PLEKHG7: variants seen among roughly 807,000 people sequenced by gnomAD.
The protein encoded by PLEKHG7 is pleckstrin homology domain-containing family G member 7.
In PLEKHG7, 77 loss-of-function variants were observed where a neutral mutation model predicts 85.2. That is an observed-to-expected ratio of 0.90 (90% CI 0.75 to 1.09). The LOEUF is 1.09. Ranked by LOEUF, PLEKHG7 falls within the 50% of genes least tolerant of loss-of-function variation. PLEKHG7 has a pLI of 0.00. For synonymous variants in PLEKHG7, 301 were observed against 302.4 expected, an observed-to-expected ratio of 1.00 and a Z score of 0.05; for missense variants, 777 against 804.3, an observed-to-expected ratio of 0.97 and a Z score of 0.41.
In PLEKHG7 at chr12:92,770,208, A is replaced by C. The variant is rs1292345748; in HGVS notation, c.*13A>C. On this transcript the variant is annotated 3_prime_UTR_variant, in exon 17 of 17. Transcript: ENST00000344636. The stretch of plus-strand genomic sequence containing the variant: ...CTCTGAAATTTAGGGACCTAAAACA[A>C]GTGGCATGTCTTTTTAGAAGATTAT... The C allele has an allele frequency of 6.6e-7, 1 of 1,520,166 alleles. No individual in the cohort carries two copies. The highest frequency in any genetic ancestry group is 1.8e-5 in the Admixed American group (1 of 56,172). 94.2% of individuals were successfully genotyped at this position (1,520,166 alleles called of 1,614,324 possible). A position where few individuals can be genotyped will look rare whatever the true frequency, so the allele number is the denominator to read the frequency against.
chr12:92,735,533 A>G (rs1872119226), intron 5 of PLEKHG7, among the ~76,000 whole-genome samples: 1 of 152,250 alleles, frequency 6.6e-6, no homozygotes, highest in Non-Finnish European at 1.5e-5. Flanking sequence ...AGGCAATAGA[A>G]CAAGTTGAAA....
chr12:92,763,938 TA>T (rs1229318709), intron 14 of PLEKHG7, 102 bp from the exon 15 acceptor site: 7 of 959,890 alleles, frequency 7.3e-6, no homozygotes, highest in Non-Finnish European at 1.0e-5. Flanking sequence ...TAATAGTTTT[TA>T]GGCAATTGTT....
At chr12:92,709,325 T>C (rs1012172123) in intron 3 of PLEKHG7, among the ~76,000 whole-genome samples, 113 of 152,360 alleles carry the variant, frequency 7.4e-4, no homozygotes, top group African/African-American at 2.4e-3. Context: ...TCTTCAAGAA[T>C]GACCTCCAAG....
chr12:92,707,002 C>T lies in PLEKHG7; in HGVS notation c.371C>T (p.Pro124Leu), dbSNP rs750501038. The change falls in exon 2 of 17, where the codon CCC becomes CTC. Residue 124 changes from proline to leucine, a missense_variant. Coordinates refer to ENST00000344636, the MANE Select transcript of PLEKHG7 (RefSeq NM_001377329.1). ...RALNAADSLEPQTRPTDKYLP... is the reference protein window; with the variant it reads ...RALNAADSLELQTRPTDKYLP... Reference sequence around the variant, plus strand: ...CTGAATGCAGCTGACTCACTGGAGCCCCAAACCCGGCCCACTGACAAGTAT... The same window carrying T: ...CTGAATGCAGCTGACTCACTGGAGCTCCAAACCCGGCCCACTGACAAGTAT... 2.5e-6 allele frequency: 4 copies of T among 1,614,122 alleles called. No homozygotes were observed. The Admixed American group carries it at 5.0e-5, about 20-fold the overall frequency.
At chr12:92,714,101 C>T (rs1409071169) in intron 3 of PLEKHG7, among the ~76,000 whole-genome samples, 2 of 152,170 alleles carry the variant, frequency 1.3e-5, no homozygotes, top group South Asian at 2.1e-4. Context: ...AGGTGCCTGC[C>T]GGGACTTTAG....
At chr12:92,730,813 A>G (rs914572490) in intron 4 of PLEKHG7, among the ~76,000 whole-genome samples, 2 of 152,164 alleles carry the variant, frequency 1.3e-5, no homozygotes, top group African/African-American at 4.8e-5. Context: ...CTGCTTCTAC[A>G]TCTCACTAGC....
chr12:92,769,547 T>C (rs1873338452), intron 16 of PLEKHG7, among the ~76,000 whole-genome samples: 1 of 152,224 alleles, frequency 6.6e-6, no homozygotes. Flanking sequence ...AAAACTGCCA[T>C]TGTTTTTACA....
rs1415929520 is a variant in PLEKHG7, at chr12:92,770,162, AT to A, written c.2045del (p.Phe682SerfsTer28). The A allele has an allele frequency of 3.7e-6, 6 of 1,607,404 alleles. No homozygotes were observed. The highest frequency in any genetic ancestry group is 5.1e-6 in the Non-Finnish European group (6 of 1,176,722). The stretch of plus-strand genomic sequence containing the variant: ...GTCAGGAAACCAAGAAAATATCTTT[AT>A]TCACATTGCCCGCAGAATCCTCTGA... ...KSQETKKISL[F>X]TLPAESSEI On this transcript the variant is annotated frameshift_variant, in exon 17 of 17. Coordinates refer to ENST00000344636, the MANE Select transcript of PLEKHG7 (RefSeq NM_001377329.1). LOFTEE classifies it high-confidence loss of function.
At chr12:92,721,751 T>G (rs1871653827) in intron 3 of PLEKHG7, among the ~76,000 whole-genome samples, 1 of 150,880 alleles carries the variant, frequency 6.6e-6, no homozygotes, top group Admixed American at 6.6e-5. Context: ...GATATTTGTT[T>G]AGTTGTATTT....
intron 10 of PLEKHG7, among the ~76,000 whole-genome samples, chr12:92,748,458 G>A (rs1240057361): frequency 4.6e-5 from 7 of 151,416 alleles, no homozygotes; most frequent in Non-Finnish European, 7.4e-5. Context: ...ATGTTGGCCA[G>A]GCTGGTCTTG....
chr12:92,728,706 CAT>C (rs1871896154), intron 3 of PLEKHG7, among the ~76,000 whole-genome samples: 1 of 152,026 alleles, frequency 6.6e-6, no homozygotes, highest in African/African-American at 2.4e-5. Flanking sequence ...CTGCAATAAA[CAT>C]GTGTACAGGT....
At chr12:92,705,056 T>A (rs2136565042) in intron 1 of PLEKHG7, among the ~76,000 whole-genome samples, 1 of 152,366 alleles carries the variant, frequency 6.6e-6, no homozygotes, top group Admixed American at 6.5e-5. Flanking sequence ...GTTGGACTTC[T>A]ATGACTGACA....
Position 92,771,763 on chromosome 12 carries a change from A to G in PLEKHG7, c.*1568A>G, listed in dbSNP as rs973356585. The stretch of plus-strand genomic sequence containing the variant: ...TAACCTCGGAGGTGAGCAGTGGACT[A>G]GGATGAGGTGGCCTCTCAAATTCCT... On this transcript the variant is annotated 3_prime_UTR_variant, in exon 17 of 17. Coordinates refer to ENST00000344636, the MANE Select transcript of PLEKHG7 (RefSeq NM_001377329.1). 8 of 152,190 alleles carry G rather than the reference A, an allele frequency of 5.3e-5. No individual in the cohort carries two copies. Among genetic ancestry groups the G allele is most frequent in the Middle Eastern group, 3.4e-3 (1 of 294 alleles). 9.4% of individuals were successfully genotyped at this position (152,190 alleles called of 1,614,324 possible). A position where few individuals can be genotyped will look rare whatever the true frequency, so the allele number is the denominator to read the frequency against.
intron 15 of PLEKHG7, among the ~76,000 whole-genome samples, chr12:92,765,685 T>G (rs1243769453): frequency 6.6e-6 from 1 of 151,276 alleles, no homozygotes; most frequent in Non-Finnish European, 1.5e-5. Context: ...TCCCAGCTAC[T>G]CAGGAGGCTA....
intron 10 of PLEKHG7, among the ~76,000 whole-genome samples, chr12:92,750,626 G>C (rs570539261): frequency 1.3e-5 from 2 of 152,268 alleles, no homozygotes; most frequent in South Asian, 2.1e-4. Flanking sequence ...TGAGAAATCA[G>C]TTACAAGAAC....
At position 92,723,465 on chromosome 12, in the gene PLEKHG7, G is replaced by A. The variant is rs533839417; in HGVS notation, c.531-5528G>A. Among the ~76,000 whole-genome samples, 6 of 152,160 alleles carry A rather than the reference G, an allele frequency of 3.9e-5. No individual in the cohort carries two copies. The East Asian group carries it at 9.6e-4, about 24-fold the overall frequency. On this transcript the variant is annotated intron_variant, in intron 3 of 16. Coordinates refer to ENST00000344636, the MANE Select transcript of PLEKHG7 (RefSeq NM_001377329.1). ...CAAATGATTATAAGACATGTTTTTTGTACTTAAAGAGTGTCAGTCTAATGG... is the reference window on the plus strand; with the variant it reads ...CAAATGATTATAAGACATGTTTTTTATACTTAAAGAGTGTCAGTCTAATGG...
At chr12:92,751,133 G>A (rs954577661) in intron 10 of PLEKHG7, among the ~76,000 whole-genome samples, 9 of 152,184 alleles carry the variant, frequency 5.9e-5, no homozygotes, top group African/African-American at 2.2e-4. Flanking sequence ...CTACAAGAAT[G>A]TTGTTTACAA....
At chr12:92,703,845 G>T (rs1276317448) in intron 1 of PLEKHG7, among the ~76,000 whole-genome samples, 1 of 152,126 alleles carries the variant, frequency 6.6e-6, no homozygotes, top group Non-Finnish European at 1.5e-5. Context: ...CTTCCTACCA[G>T]CAGCTACACC....
At chr12:92,703,411 T>G (rs1315708292) in intron 1 of PLEKHG7, among the ~76,000 whole-genome samples, 3 of 152,166 alleles carry the variant, frequency 2.0e-5, no homozygotes, top group Non-Finnish European at 4.4e-5. Context: ...TAAAGAAGAG[T>G]TAGCATGAAT....
Sources: gnomAD v4.1 joint callset for allele counts (sites outside exome capture counted in the v4.1 genomes callset) on GRCh38, gnomAD v4.1.1 for gene constraint, MANE v1.5 for transcripts, NCBI Gene and HGNC (gene_info 2026-07-23, HGNC 2026-07-21) for gene names.